Variants in PDE4D observed in about 807,000 individuals in gnomAD.
PDE4D encodes phosphodiesterase 4D.
PDE4D carries 24 observed loss-of-function variants against 87.4 expected under a neutral mutation model. That is an observed-to-expected ratio of 0.27 (90% CI 0.20 to 0.39). The LOEUF (loss-of-function observed/expected upper bound fraction) is 0.39, where lower values mean the gene tolerates loss of function less well. Among genes scored for constraint, PDE4D ranks in the 10% least tolerant of loss-of-function variants. The pLI, the probability that PDE4D is intolerant of heterozygous loss-of-function variation, is 1.00. For missense variants in PDE4D, 714 were observed against 1,041.0 expected, an observed-to-expected ratio of 0.69 and a Z score of 4.32; for synonymous variants, 384 against 383.2, an observed-to-expected ratio of 1.00 and a Z score of -0.02.
intron 1 of PDE4D, among the ~76,000 whole-genome samples, chr5:60,510,687 C>T (rs1750531771): frequency 6.6e-6 from 1 of 152,144 alleles, no homozygotes; most frequent in Admixed American, 6.5e-5. Flanking sequence ...GTGTTTTCCA[C>T]AGACAACAGC....
Position 59,129,985 on chromosome 5 carries a change from T to TA in PDE4D, c.808+50609dup, listed in dbSNP as rs1193822256. Among the ~76,000 whole-genome samples the TA allele has an allele frequency of 2.0e-5, 3 of 152,260 alleles. No homozygotes were observed. In the East Asian group the frequency reaches 5.8e-4, roughly 29 times the overall value. ...CAAGGATAATTTTATTAATGATTTT[T>TA]AAAAAATAAATGGGGAAAATCATAA... On this transcript the variant is annotated intron_variant, in intron 5 of 14. Coordinates refer to ENST00000340635, the MANE Select transcript of PDE4D (RefSeq NM_001104631.2).
chr5:59,590,398 A>G (rs1299529084), intron 1 of PDE4D, among the ~76,000 whole-genome samples: 1 of 152,180 alleles, frequency 6.6e-6, no homozygotes, highest in Non-Finnish European at 1.5e-5. Context: ...AATATCAGGA[A>G]GCCAGTTCTG....
Position 60,291,021 on chromosome 5 carries a change from G to A in PDE4D, c.-89-105334C>T, listed in dbSNP as rs574056002. 5.9e-5 allele frequency among the ~76,000 whole-genome samples: 9 copies of A among 152,290 alleles called. No individual in the cohort carries two copies. In the South Asian group the frequency reaches 1.0e-3, roughly 18 times the overall value. On this transcript the variant is annotated intron_variant, in intron 1 of 16. Transcript: ENST00000502484. Reference sequence around the variant, plus strand: ...AGAACGAAATGTTCTGCACTGTCTCGAAGGAATGTGAGGTAGCATCAAAAA... The same window carrying A: ...AGAACGAAATGTTCTGCACTGTCTCAAAGGAATGTGAGGTAGCATCAAAAA...
At chr5:60,277,267 A>G (rs2149737997) in intron 1 of PDE4D, among the ~76,000 whole-genome samples, 1 of 152,038 alleles carries the variant, frequency 6.6e-6, no homozygotes, top group East Asian at 1.9e-4. Context: ...TGAAAGTTCT[A>G]GCAAAAGCAT....
chr5:59,945,777 T>A (rs539024773), intron 3 of PDE4D, among the ~76,000 whole-genome samples: 5 of 152,196 alleles, frequency 3.3e-5, no homozygotes, highest in Non-Finnish European at 7.4e-5. Context: ...GAAAATGCCA[T>A]GATAAATAAT....
chr5:59,508,658 TAAAAA>T (rs569879778), intron 1 of PDE4D, among the ~76,000 whole-genome samples: 8 of 150,612 alleles, frequency 5.3e-5, no homozygotes, highest in African/African-American at 1.7e-4. Flanking sequence ...GGAACTAAAA[TAAAAA>T]AAAATATTTA....
chr5:59,636,840 A>G (rs753179510), intron 1 of PDE4D, among the ~76,000 whole-genome samples: 46 of 152,348 alleles, frequency 3.0e-4, no homozygotes, highest in Non-Finnish European at 5.0e-4. Flanking sequence ...GGACATAAGC[A>G]TGGGCAAAGA....
chr5:59,304,359 C>T (rs1411455799), intron 1 of PDE4D, among the ~76,000 whole-genome samples: 3 of 151,984 alleles, frequency 2.0e-5, no homozygotes, highest in African/African-American at 7.2e-5. Context: ...AGTTTGACTT[C>T]CTCTTTACCG....
intron 1 of PDE4D, among the ~76,000 whole-genome samples, chr5:59,790,284 A>G (rs1191608379): frequency 2.6e-5 from 4 of 152,192 alleles, no homozygotes; most frequent in Non-Finnish European, 5.9e-5. Flanking sequence ...AAAAGAAGCC[A>G]CTCACTCTTA....
At chr5:59,518,886 C>T (rs778234205) in intron 1 of PDE4D, among the ~76,000 whole-genome samples, 33 of 152,252 alleles carry the variant, frequency 2.2e-4, no homozygotes, top group Admixed American at 1.0e-3. Context: ...GTAACTCTTG[C>T]CATAAATGCA....
chr5:59,961,805 T>C (rs1759501108), intron 3 of PDE4D, among the ~76,000 whole-genome samples: 3 of 152,106 alleles, frequency 2.0e-5, no homozygotes, highest in Admixed American at 2.0e-4. Context: ...GATGGGTTTA[T>C]GGTGAAGATG....
At chr5:59,780,918 GC>G (rs1364083126) in intron 1 of PDE4D, among the ~76,000 whole-genome samples, 1 of 152,132 alleles carries the variant, frequency 6.6e-6, no homozygotes. Flanking sequence ...TGTAATCCCA[GC>G]ACTTTGGGAG....
chr5:60,113,909 T>G (rs918359784), intron 2 of PDE4D, among the ~76,000 whole-genome samples: 1 of 152,152 alleles, frequency 6.6e-6, no homozygotes, highest in Non-Finnish European at 1.5e-5. Context: ...GCACCAGTAG[T>G]ACCTCCACAT....
chr5:60,234,907 CAGA>C (rs1285560291), intron 1 of PDE4D, among the ~76,000 whole-genome samples: 1 of 151,670 alleles, frequency 6.6e-6, no homozygotes, highest in Non-Finnish European at 1.5e-5. Context: ...TGCTACTAGC[CAGA>C]AGAAGTAAAC....
intron 1 of PDE4D, among the ~76,000 whole-genome samples, chr5:59,585,037 G>A (rs1824870557): frequency 6.6e-6 from 1 of 152,154 alleles, no homozygotes; most frequent in Non-Finnish European, 1.5e-5. Flanking sequence ...GGCTCCCCCT[G>A]ACTAGGAAAC....
chr5:60,270,510 A>T (rs1180018568), intron 1 of PDE4D, among the ~76,000 whole-genome samples: 1 of 152,120 alleles, frequency 6.6e-6, no homozygotes, highest in Non-Finnish European at 1.5e-5. Flanking sequence ...TTTCATCTTT[A>T]TCTCTATTGT....
chr5:59,473,924 A>C (rs1333146737), intron 1 of PDE4D, among the ~76,000 whole-genome samples: 7 of 152,174 alleles, frequency 4.6e-5, no homozygotes, highest in Non-Finnish European at 8.8e-5. Flanking sequence ...AGGCAGCAAC[A>C]TTGCAACTGT....
intron 1 of PDE4D, among the ~76,000 whole-genome samples, chr5:59,611,604 A>G (rs528124304): frequency 1.3e-4 from 20 of 152,268 alleles, no homozygotes; most frequent in Admixed American, 7.2e-4. Context: ...CTGTTACACA[A>G]TCTCCCTAGC....
rs191311918 is a variant in PDE4D at position 59,980,950 on chromosome 5, C to T, written c.272+7538G>A. Among the ~76,000 whole-genome samples the T allele has an allele frequency of 5.0e-3, 760 of 152,224 alleles. 9 individuals carry two copies. Among genetic ancestry groups the T allele is most frequent in the Non-Finnish European group, 6.5e-3 (445 of 67,996 alleles). On this transcript the variant is annotated intron_variant, in intron 3 of 16. Transcript: ENST00000502484. Reference sequence around the variant, plus strand: ...ATCACTCTTAGAATCTAATTTTAATCTTGAAAATCACAAATTTGGGGCCAG... The same window carrying T: ...ATCACTCTTAGAATCTAATTTTAATTTTGAAAATCACAAATTTGGGGCCAG...
Sources: allele counts gnomAD v4.1 joint callset (sites outside exome capture counted in the v4.1 genomes callset), GRCh38; gene constraint gnomAD v4.1.1; transcripts MANE v1.5; gene names NCBI Gene and HGNC (gene_info 2026-07-23, HGNC 2026-07-21).